COL5A2: variants seen among roughly 807,000 people sequenced by gnomAD.
COL5A2 encodes the protein collagen alpha-2(V) chain.
COL5A2 carries 23 observed loss-of-function variants against 208.2 expected under a neutral mutation model. The ratio of observed to expected loss-of-function variants is 0.11; its 90% CI spans 0.08 to 0.16. The LOEUF (loss-of-function observed/expected upper bound fraction) is 0.16, where lower values mean the gene tolerates loss of function less well. Among genes scored for constraint, COL5A2 ranks in the 10% least tolerant of loss-of-function variants. The probability of loss-of-function intolerance (pLI) is 1.00; values close to 1 mark genes in which losing one functional copy is unlikely to be tolerated. For synonymous variants in COL5A2, 625 were observed against 628.5 expected (o/e 0.99, Z 0.08); for missense variants, 1,590 against 1,956.4 (o/e 0.81, Z 3.53).
the COL5A2 span, among the ~76,000 whole-genome samples, chr2:189,344,172 G>A: frequency 6.6e-6 from 1 of 152,128 alleles, no homozygotes; most frequent in African/African-American, 2.4e-5. Context: ...CCAGCCATGA[G>A]ATAGCAATAA....
the COL5A2 span, among the ~76,000 whole-genome samples, chr2:189,437,031 AAGAGAG>A: frequency 6.6e-6 from 1 of 152,140 alleles, no homozygotes; most frequent in Non-Finnish European, 1.5e-5. Flanking sequence ...TTTAAAAAAA[AAGAGAG>A]AGAGAAAGTC....
the COL5A2 span, among the ~76,000 whole-genome samples, chr2:189,427,187 C>T: frequency 5.3e-5 from 8 of 152,224 alleles, no homozygotes; most frequent in African/African-American, 1.2e-4. Flanking sequence ...GGAAACTGTT[C>T]CCTACATCGT....
the COL5A2 span, among the ~76,000 whole-genome samples, chr2:189,359,671 A>G: frequency 6.6e-6 from 1 of 152,168 alleles, no homozygotes; most frequent in Non-Finnish European, 1.5e-5. Flanking sequence ...TCTTTTATAG[A>G]TTCAGTAGTG....
At chr2:189,238,268 G>A in the COL5A2 span, among the ~76,000 whole-genome samples, 1 of 152,038 alleles carries the variant, frequency 6.6e-6, no homozygotes, top group African/African-American at 2.4e-5. Context: ...CATCTCCAAA[G>A]AGATCCCACT....
intron 6 of COL5A2, chr2:189,095,696 T>C (rs924704339): frequency 5.3e-5 from 8 of 152,138 alleles, no homozygotes; most frequent in African/African-American, 1.9e-4. Flanking sequence ...CAACAACTTC[T>C]ACCTAGACTT....
chr2:189,262,158 T>C, the COL5A2 span, among the ~76,000 whole-genome samples: 1 of 152,140 alleles, frequency 6.6e-6, no homozygotes, highest in East Asian at 1.9e-4. Flanking sequence ...TACATACAAA[T>C]AATTTGAAAT....
chr2:189,043,273 A>G lies in COL5A2; in HGVS notation c.3364-15T>C, dbSNP rs777064004. 2.5e-6 allele frequency: 4 copies of G among 1,571,922 alleles called. No individual in the cohort carries two copies. The highest frequency in any genetic ancestry group is 1.7e-5 in the Admixed American group (1 of 59,850). ...CCTTGGGGTCCCTAGAAATAGAGAT[A>G]TGGCATGAAAATTACTTGCTACATA... On this transcript the variant is annotated splice_polypyrimidine_tract_variant and intron_variant, in intron 47 of 53. Transcript: ENST00000374866.
At chr2:189,242,583 A>G in the COL5A2 span, among the ~76,000 whole-genome samples, 20 of 152,108 alleles carry the variant, frequency 1.3e-4, no homozygotes, top group Non-Finnish European at 2.9e-4. Flanking sequence ...TCCATTCTTC[A>G]TGGTCTAACT....
chr2:189,051,522 G>C lies in COL5A2; in HGVS notation c.2770-41C>G, dbSNP rs187779081. On this transcript the variant is annotated intron_variant, in intron 41 of 53. Transcript: ENST00000374866. ...AAGAAACACCAAGGAGGGCAAAATG[G>C]AAGGCAAGTAAGAGTGATTGACATA... 3.6e-5 allele frequency: 57 copies of C among 1,571,136 alleles called. No homozygotes were observed. In the Admixed American group the frequency reaches 8.2e-4, roughly 23 times the overall value.
At position 189,051,498 on chromosome 2, in the gene COL5A2, A is replaced by G. The variant is rs775881496; in HGVS notation, c.2770-17T>C. 3 of 1,592,298 alleles carry G rather than the reference A, an allele frequency of 1.9e-6. No homozygotes were observed. The highest frequency in any genetic ancestry group is 2.3e-5 in the South Asian group (2 of 87,820). ...TGGAGCTCCCTAGTATAACAAAGAAAGAAACACCAAGGAGGGCAAAATGGA... is the reference window on the plus strand; with the variant it reads ...TGGAGCTCCCTAGTATAACAAAGAAGGAAACACCAAGGAGGGCAAAATGGA... On this transcript the variant is annotated splice_polypyrimidine_tract_variant and intron_variant, in intron 41 of 53. Transcript: ENST00000374866.
At chr2:189,246,500 C>T in the COL5A2 span, among the ~76,000 whole-genome samples, 1 of 152,180 alleles carries the variant, frequency 6.6e-6, no homozygotes, top group Admixed American at 6.5e-5. Flanking sequence ...ATGTGACATT[C>T]CAATAAATTA....
intron 45 of COL5A2, among the ~76,000 whole-genome samples, chr2:189,047,321 A>C (rs1685691717): frequency 6.6e-6 from 1 of 152,170 alleles, no homozygotes; most frequent in Non-Finnish European, 1.5e-5. Context: ...ACAAAGGAAA[A>C]AGCCCAAGTT....
intron 21 of COL5A2, 48 bp downstream of exon 21, chr2:189,067,967 C>T (rs1384790846): frequency 7.6e-6 from 11 of 1,441,472 alleles, no homozygotes; most frequent in Admixed American, 5.0e-5. Context: ...TCTTGGCCCT[C>T]GTAGTTAGAT....
Position 189,086,711 on chromosome 2 carries a change from T to C in COL5A2, c.690+15A>G. On this transcript the variant is annotated intron_variant, in intron 9 of 53. Transcript: ENST00000374866. ...GTTTTTCTTACAGCATGTAATTAAT[T>C]ATAAAGAGACTTACTTGCTGTCCTT... The C allele has an allele frequency of 6.4e-7, 1 of 1,566,200 alleles. No individual in the cohort carries two copies. The highest frequency in any genetic ancestry group is 8.7e-7 in the Non-Finnish European group (1 of 1,149,030).
At chr2:189,154,678 C>T (rs773131328) in intron 1 of COL5A2, among the ~76,000 whole-genome samples, 1 of 152,008 alleles carries the variant, frequency 6.6e-6, no homozygotes, top group Non-Finnish European at 1.5e-5. Context: ...GCTAGGTTGC[C>T]CAGGCTGTTC....
the COL5A2 span, among the ~76,000 whole-genome samples, chr2:189,343,128 T>C: frequency 4.1e-4 from 62 of 152,196 alleles, 1 homozygote; most frequent in African/African-American, 1.2e-3. Context: ...ACAGACAATG[T>C]ATGACATGCT....
At chr2:189,294,092 A>G in the COL5A2 span, among the ~76,000 whole-genome samples, 20 of 147,384 alleles carry the variant, frequency 1.4e-4, no homozygotes, top group African/African-American at 5.0e-4. Context: ...CGTCTCAAGA[A>G]AAAAAAAAAA....
At chr2:189,386,419 G>A in the COL5A2 span, among the ~76,000 whole-genome samples, 1 of 151,950 alleles carries the variant, frequency 6.6e-6, no homozygotes, top group African/African-American at 2.4e-5. Context: ...TATTGGCATT[G>A]GCAAATAATT....
the COL5A2 span, among the ~76,000 whole-genome samples, chr2:189,400,849 A>T: frequency 6.6e-6 from 1 of 152,222 alleles, no homozygotes; most frequent in East Asian, 1.9e-4. Flanking sequence ...TAAAGGGGAA[A>T]CATCAAAGCT....
Sources: allele counts gnomAD v4.1 joint callset (sites outside exome capture counted in the v4.1 genomes callset), GRCh38; gene constraint gnomAD v4.1.1; transcripts MANE v1.5; gene names NCBI Gene and HGNC (gene_info 2026-07-23, HGNC 2026-07-21).